The following DOCK9 variants were observed in gnomAD, a reference collection of about 807,000 sequenced individuals.
The protein encoded by DOCK9 is dedicator of cytokinesis protein 9.
DOCK9 carries 89 observed loss-of-function variants against 263.3 expected under a neutral mutation model. The ratio of observed to expected loss-of-function variants is 0.34; its 90% confidence interval spans 0.28 to 0.40. The LOEUF is 0.40. Among genes scored for constraint, DOCK9 ranks in the 10% least tolerant of loss-of-function variants. The pLI, the probability that DOCK9 is intolerant of heterozygous loss-of-function variation, is 1.00. For missense variants in DOCK9, 2,140 were observed against 2,603.4 expected (o/e 0.82, Z 3.87); for synonymous variants, 976 against 973.1 (o/e 1.00, Z -0.06).
intron 1 of DOCK9, among the ~76,000 whole-genome samples, chr13:98,969,021 A>G (rs2141288315): frequency 6.6e-6 from 1 of 152,364 alleles, no homozygotes; most frequent in East Asian, 1.9e-4. Flanking sequence ...TACTATGACC[A>G]TCAAATATGA....
At chr13:99,047,517 CTTTTTT>C (rs80048308) in intron 1 of DOCK9, among the ~76,000 whole-genome samples, 1 of 127,024 alleles carries the variant, frequency 7.9e-6, no homozygotes, top group Non-Finnish European at 1.6e-5. Context: ...GGTTCTAATC[CTTTTTT>C]TTTTTTTTTT....
intron 1 of DOCK9, among the ~76,000 whole-genome samples, chr13:99,002,053 G>A (rs1169156557): frequency 6.6e-6 from 1 of 152,214 alleles, no homozygotes. Flanking sequence ...CTACCACGGA[G>A]TCAGAAGATG....
In DOCK9 at chr13:98,849,978, G is replaced by T. The variant is rs1039112666; in HGVS notation, c.4013+69C>A. On this transcript the variant is annotated intron_variant, in intron 36 of 52. Transcript: ENST00000682017. ...ACTACTCCTCTGGTTCAACTACATAGTATTCTTCAAGCCTCTTAATGATCC... is the reference window on the plus strand; with the variant it reads ...ACTACTCCTCTGGTTCAACTACATATTATTCTTCAAGCCTCTTAATGATCC... 9 of 1,130,008 alleles carry T rather than the reference G, an allele frequency of 8.0e-6. No individual in the cohort carries two copies. In the African/African-American group the frequency reaches 1.4e-4, roughly 18 times the overall value. The allele number at this position is 1,130,008 out of a possible 1,614,324, so 70.0% of individuals were successfully genotyped here.
intron 1 of DOCK9, among the ~76,000 whole-genome samples, chr13:99,004,714 T>C (rs963722393): frequency 2.0e-5 from 3 of 152,104 alleles, no homozygotes; most frequent in African/African-American, 7.2e-5. Context: ...TCATTGTTCA[T>C]TGACATTTGA....
At chr13:98,918,530 A>G (rs112598638) in intron 7 of DOCK9, among the ~76,000 whole-genome samples, 2 of 152,354 alleles carry the variant, frequency 1.3e-5, no homozygotes, top group African/African-American at 4.8e-5. Context: ...AAATTTTAGA[A>G]CACTAAAGAG....
chr13:98,807,843 CG>C, intron 47 of DOCK9, 36 bp from the exon 48 acceptor site: 1 of 1,579,030 alleles, frequency 6.3e-7, no homozygotes, highest in Non-Finnish European at 8.6e-7. Flanking sequence ...TATCCCTGAA[CG>C]TAAGCCCAGG....
chr13:98,819,154 G>C (rs893167130), intron 45 of DOCK9, among the ~76,000 whole-genome samples: 1 of 152,036 alleles, frequency 6.6e-6, no homozygotes, highest in Non-Finnish European at 1.5e-5. Flanking sequence ...ACAGATTCCC[G>C]GGCCCCACAC....
chr13:98,807,361 G>A (rs577298784), intron 48 of DOCK9, among the ~76,000 whole-genome samples: 4 of 152,294 alleles, frequency 2.6e-5, no homozygotes, highest in South Asian at 4.1e-4. Flanking sequence ...AGTGAGTAGC[G>A]AAGCCACGGG....
intron 1 of DOCK9, among the ~76,000 whole-genome samples, chr13:98,975,472 TACACACACACACACACACACAC>T: frequency 1.4e-5 from 2 of 142,512 alleles, no homozygotes; most frequent in East Asian, 4.0e-4. Context: ...TCTAAACACA[TACACACACACACACACACACAC>T]ACACACACAC....
chr13:99,082,239 C>T (rs374696324), intron 1 of DOCK9, among the ~76,000 whole-genome samples: 7 of 148,476 alleles, frequency 4.7e-5, no homozygotes, highest in East Asian at 4.1e-4. Context: ...TAAATAAGGC[C>T]GGGCGCAGTG....
intron 37 of DOCK9, chr13:98,846,619 T>C: frequency 1.6e-6 from 2 of 1,218,672 alleles, no homozygotes; most frequent in South Asian, 1.2e-5. Flanking sequence ...AACAGCTAAC[T>C]TCCTGCTGTG....
chr13:98,949,455 A>G (rs2057138825), intron 2 of DOCK9, among the ~76,000 whole-genome samples: 1 of 152,132 alleles, frequency 6.6e-6, no homozygotes. Context: ...AACTAAGCAG[A>G]ACTCCCTCCT....
chr13:98,924,141 G>C (rs1159760040), intron 4 of DOCK9, among the ~76,000 whole-genome samples: 2 of 152,200 alleles, frequency 1.3e-5, no homozygotes, highest in African/African-American at 4.8e-5. Flanking sequence ...CAATCCAATG[G>C]GAAGAATTAA....
intron 1 of DOCK9, among the ~76,000 whole-genome samples, chr13:99,038,175 A>G (rs1313929045): frequency 6.6e-6 from 1 of 151,510 alleles, no homozygotes; most frequent in Admixed American, 6.6e-5. Context: ...CAGATTTACT[A>G]TGCTCACTTG....
chr13:98,961,378 C>A (rs1324669114), intron 1 of DOCK9, among the ~76,000 whole-genome samples: 3 of 152,138 alleles, frequency 2.0e-5, no homozygotes, highest in Non-Finnish European at 4.4e-5. Context: ...CCTCCCTCTA[C>A]AGGGATAATG....
chr13:98,995,325 A>C lies in DOCK9; in HGVS notation c.130-39774T>G, dbSNP rs535916279. Among the ~76,000 whole-genome samples, 63 of 152,316 alleles carry C rather than the reference A, an allele frequency of 4.1e-4. No homozygotes were observed. The East Asian group carries it at 0.01, about 25-fold the overall frequency. The stretch of plus-strand genomic sequence containing the variant: ...AGGAGTATTGGGAGATGTGCTGACC[A>C]GGCTTTCTACAAGCATACTCAGAGA... On this transcript the variant is annotated intron_variant, in intron 1 of 32. Coordinates refer to the DOCK9 transcript ENST00000427887.
chr13:98,900,733 G>A (rs1279393856), intron 13 of DOCK9, among the ~76,000 whole-genome samples: 2 of 152,202 alleles, frequency 1.3e-5, no homozygotes, highest in African/African-American at 2.4e-5. Flanking sequence ...GAGGCCATGA[G>A]AGGTGATGTG....
At chr13:99,030,228 T>C (rs1380280923) in intron 1 of DOCK9, among the ~76,000 whole-genome samples, 1 of 152,214 alleles carries the variant, frequency 6.6e-6, no homozygotes, top group Non-Finnish European at 1.5e-5. Context: ...TGTTGAATTG[T>C]ACATTAAAAT....
chr13:98,897,428 C>G, intron 15 of DOCK9, 60 bp downstream of exon 15: 5 of 1,592,438 alleles, frequency 3.1e-6, no homozygotes, highest in South Asian at 1.1e-5. Context: ...TCCCCTGTTC[C>G]TCCCTCCCCA....
Sources: gnomAD v4.1 joint callset for allele counts (sites outside exome capture counted in the v4.1 genomes callset) on GRCh38, gnomAD v4.1.1 for gene constraint, MANE v1.5 for transcripts, NCBI Gene and HGNC (gene_info 2026-07-23, HGNC 2026-07-21) for gene names.